The following SYNPR variants were observed in gnomAD, a reference collection of about 807,000 sequenced individuals.
The protein encoded by SYNPR is synaptoporin.
Under a neutral mutation model 32.9 loss-of-function variants are expected in SYNPR, and 23 were observed. The observed-to-expected ratio is 0.70, with a 90% confidence interval of 0.50 to 0.99. SYNPR has a LOEUF of 0.99. SYNPR is among the 50% of genes least tolerant of loss of function. SYNPR has a pLI of 0.00. For missense variants in SYNPR, 318 were observed against 349.3 expected (o/e 0.91, Z 0.71); for synonymous variants, 146 against 135.9 (o/e 1.07, Z -0.52).
intron 2 of SYNPR, among the ~76,000 whole-genome samples, chr3:63,388,379 CTTTTTTTTT>C (rs144044254): frequency 1.2e-5 from 1 of 83,640 alleles, no homozygotes; most frequent in South Asian, 5.3e-4. Flanking sequence ...GTTTGGAGCT[CTTTTTTTTT>C]TTTTTTTTTT....
chr3:63,465,657 A>G (rs528517133), intron 2 of SYNPR, among the ~76,000 whole-genome samples: 3 of 152,284 alleles, frequency 2.0e-5, no homozygotes, highest in African/African-American at 2.4e-5. Context: ...TTATACTGTC[A>G]TCCTTACATT....
chr3:63,363,299 T>C (rs1420039277), intron 2 of SYNPR, among the ~76,000 whole-genome samples: 2 of 152,208 alleles, frequency 1.3e-5, no homozygotes, highest in Non-Finnish European at 2.9e-5. Context: ...TAATAATTCC[T>C]CAGGTTTGAC....
At chr3:63,351,226 C>T (rs534536079) in intron 2 of SYNPR, among the ~76,000 whole-genome samples, 2 of 152,268 alleles carry the variant, frequency 1.3e-5, no homozygotes, top group Admixed American at 6.5e-5. Context: ...AAGTACTGCT[C>T]ATTTATTTGT....
At chr3:63,614,173 C>T (rs781694847) in intron 5 of SYNPR, among the ~76,000 whole-genome samples, 7 of 152,208 alleles carry the variant, frequency 4.6e-5, no homozygotes, top group African/African-American at 1.7e-4. Context: ...GTCAGCGTCA[C>T]GCTAGGGGGT....
intron 2 of SYNPR, among the ~76,000 whole-genome samples, chr3:63,287,866 C>T (rs944445840): frequency 6.6e-6 from 1 of 152,104 alleles, no homozygotes; most frequent in Non-Finnish European, 1.5e-5. Context: ...ATACCCACTG[C>T]ATGATAATGG....
the SYNPR span, among the ~76,000 whole-genome samples, chr3:63,208,669 A>C: frequency 6.6e-6 from 1 of 152,200 alleles, no homozygotes; most frequent in South Asian, 2.1e-4. Flanking sequence ...TTCTGTACTC[A>C]AATAGGTTTG....
At chr3:63,420,601 TAA>T (rs1475919013) in intron 2 of SYNPR, among the ~76,000 whole-genome samples, 2 of 152,294 alleles carry the variant, frequency 1.3e-5, no homozygotes, top group East Asian at 3.9e-4. Flanking sequence ...ACTATAGTTT[TAA>T]AAATGGAAAA....
intron 2 of SYNPR, among the ~76,000 whole-genome samples, chr3:63,452,444 G>T (rs1477669376): frequency 6.6e-6 from 1 of 152,196 alleles, no homozygotes; most frequent in Non-Finnish European, 1.5e-5. Flanking sequence ...CTTTGAGGAA[G>T]TTAAAAGAGG....
chr3:63,515,151 T>C (rs1701770987), intron 3 of SYNPR, among the ~76,000 whole-genome samples: 3 of 152,142 alleles, frequency 2.0e-5, no homozygotes, highest in Admixed American at 2.0e-4. Flanking sequence ...AGTTTTATTA[T>C]TTCTGCCCCC....
At chr3:63,518,004 C>T (rs11708534) in intron 3 of SYNPR, among the ~76,000 whole-genome samples, 32,607 of 152,070 alleles carry the variant, frequency 0.21, 3,574 homozygotes, top group East Asian at 0.31. Context: ...GCAACAAACA[C>T]CATGAAAACA....
chr3:63,482,531 C>T (rs968215618), intron 3 of SYNPR, among the ~76,000 whole-genome samples: 5 of 152,216 alleles, frequency 3.3e-5, no homozygotes, highest in African/African-American at 9.6e-5. Flanking sequence ...ACCGTACAGC[C>T]CCTGTAAGAT....
intron 4 of SYNPR, among the ~76,000 whole-genome samples, chr3:63,584,000 GGGTGATAGA>G (rs1436188003): frequency 2.5e-4 from 38 of 152,092 alleles, no homozygotes; most frequent in Admixed American, 2.4e-3. Flanking sequence ...GAGTAGATGG[GGGTGATAGA>G]GGAGAAAGAA....
At chr3:63,207,181 G>A in the SYNPR span, among the ~76,000 whole-genome samples, 2 of 152,338 alleles carry the variant, frequency 1.3e-5, no homozygotes, top group Admixed American at 1.3e-4. Flanking sequence ...AATGGGTGAT[G>A]AATGAGGTGG....
intron 1 of SYNPR, among the ~76,000 whole-genome samples, chr3:63,241,885 G>A (rs2086246954): frequency 6.6e-6 from 1 of 151,972 alleles, no homozygotes; most frequent in South Asian, 2.1e-4. Flanking sequence ...AAAGTTTTTG[G>A]ATCATGTCAC....
At chr3:63,218,009 G>A in the SYNPR span, among the ~76,000 whole-genome samples, 1 of 151,980 alleles carries the variant, frequency 6.6e-6, no homozygotes, top group Non-Finnish European at 1.5e-5. Flanking sequence ...CTATTTCTTT[G>A]GGGTTGATTG....
chr3:63,520,291 T>C (rs889874407), intron 3 of SYNPR, among the ~76,000 whole-genome samples: 3 of 152,218 alleles, frequency 2.0e-5, no homozygotes, highest in African/African-American at 4.8e-5. Context: ...TGGGGTCCAG[T>C]TGGCTTCAGT....
chr3:63,512,955 C>T lies in SYNPR; in HGVS notation c.209+31999C>T, dbSNP rs537572230. On this transcript the variant is annotated intron_variant, in intron 3 of 5. Transcript: ENST00000478300. Reference sequence around the variant, plus strand: ...CTTCTTGGTTAGTTTTCAACCCAGCCTCTATTTTAGTCCTATGGTTAGCAC... The same window carrying T: ...CTTCTTGGTTAGTTTTCAACCCAGCTTCTATTTTAGTCCTATGGTTAGCAC... 5.3e-5 allele frequency among the ~76,000 whole-genome samples: 8 copies of T among 152,144 alleles called. No individual in the cohort carries two copies. The South Asian group carries it at 1.7e-3, about 32-fold the overall frequency.
intron 2 of SYNPR, among the ~76,000 whole-genome samples, chr3:63,263,918 T>C (rs546245721): frequency 3.9e-5 from 6 of 152,272 alleles, no homozygotes; most frequent in Non-Finnish European, 2.9e-5. Context: ...GTCATACAAT[T>C]TTGGGGCCGT....
chr3:63,360,245 C>G (rs1338575471), intron 2 of SYNPR, among the ~76,000 whole-genome samples: 1 of 152,202 alleles, frequency 6.6e-6, no homozygotes, highest in African/African-American at 2.4e-5. Context: ...TTCTCACACA[C>G]CATGTTCAGT....
Sources: allele counts gnomAD v4.1 joint callset (sites outside exome capture counted in the v4.1 genomes callset), GRCh38; gene constraint gnomAD v4.1.1; transcripts MANE v1.5; gene names NCBI Gene and HGNC (gene_info 2026-07-23, HGNC 2026-07-21).